PTPRG: variants seen among roughly 807,000 people sequenced by gnomAD.
PTPRG encodes protein tyrosine phosphatase receptor type G.
Under a neutral mutation model 165.3 loss-of-function variants are expected in PTPRG, and 102 were observed. The observed-to-expected ratio is 0.62, with a 90% CI of 0.53 to 0.73. The LOEUF is 0.73. Ranked by LOEUF, PTPRG falls within the 30% of genes least tolerant of loss-of-function variation. The pLI is 0.00. For synonymous variants in PTPRG, 675 were observed against 669.5 expected, an observed-to-expected ratio of 1.01 and a Z score of -0.13; for missense variants, 1,866 against 1,861.4, an observed-to-expected ratio of 1.00 and a Z score of -0.05.
chr3:61,855,106 C>T (rs2107379003), intron 2 of PTPRG, among the ~76,000 whole-genome samples: 1 of 152,236 alleles, frequency 6.6e-6, no homozygotes, highest in African/African-American at 2.4e-5. Flanking sequence ...CAAGCCTTTC[C>T]CTTGCCTGTT....
At position 62,192,612 on chromosome 3, in the gene PTPRG, C is replaced by T. The variant is rs561144644; in HGVS notation, c.1218+959C>T. Among the ~76,000 whole-genome samples, 30 of 151,902 alleles carry T rather than the reference C, an allele frequency of 2.0e-4. No individual in the cohort carries two copies. The East Asian group carries it at 3.7e-3, about 19-fold the overall frequency. On this transcript the variant is annotated intron_variant, in intron 9 of 29. Coordinates refer to ENST00000474889, the MANE Select transcript of PTPRG (RefSeq NM_002841.4). ...ATTTTTAGTAGAGACAGGGTTTCAC[C>T]GTGTTAGCCAGGATGGTCTCCATCT...
chr3:62,133,339 G>A (rs1460562389), intron 6 of PTPRG, among the ~76,000 whole-genome samples: 2 of 152,076 alleles, frequency 1.3e-5, no homozygotes, highest in Non-Finnish European at 2.9e-5. Flanking sequence ...GTAATGTAAT[G>A]ATTTGCAAAG....
chr3:62,212,328 A>G (rs1700378088), intron 12 of PTPRG, among the ~76,000 whole-genome samples: 1 of 152,168 alleles, frequency 6.6e-6, no homozygotes, highest in Admixed American at 6.5e-5. Context: ...TGTGCTGAGG[A>G]GAATGGACTA....
At chr3:61,905,124 G>A (rs1257265218) in intron 2 of PTPRG, among the ~76,000 whole-genome samples, 3 of 152,054 alleles carry the variant, frequency 2.0e-5, no homozygotes, top group East Asian at 1.9e-4. Context: ...AATCAGATGC[G>A]GTAATCAGAA....
intron 4 of PTPRG, among the ~76,000 whole-genome samples, chr3:62,035,551 G>C (rs1018510898): frequency 6.6e-6 from 1 of 152,136 alleles, no homozygotes; most frequent in Non-Finnish European, 1.5e-5. Context: ...TTCCTGTTCA[G>C]CTCAGTCCCT....
intron 16 of PTPRG, among the ~76,000 whole-genome samples, chr3:62,260,416 G>A (rs1280542358): frequency 2.0e-5 from 3 of 152,130 alleles, no homozygotes; most frequent in African/African-American, 7.2e-5. Flanking sequence ...TAGGTAGGAA[G>A]TGATTTAGCC....
At chr3:61,709,185 CAGCTGATAAG>C (rs2031423604) in intron 1 of PTPRG, among the ~76,000 whole-genome samples, 1 of 152,216 alleles carries the variant, frequency 6.6e-6, no homozygotes, top group Non-Finnish European at 1.5e-5. Context: ...ACTGGGGATA[CAGCTGATAAG>C]AGTGTAAGCC....
chr3:61,659,071 C>G (rs758007132), intron 1 of PTPRG, among the ~76,000 whole-genome samples: 13 of 152,074 alleles, frequency 8.5e-5, no homozygotes, highest in Non-Finnish European at 1.5e-4. Context: ...CCCTGTTCCC[C>G]TTTTTGGACA....
At chr3:61,708,443 C>CTTTTTTTTTTT (rs61136954) in intron 1 of PTPRG, among the ~76,000 whole-genome samples, 1 of 75,908 alleles carries the variant, frequency 1.3e-5, no homozygotes, top group Non-Finnish European at 2.4e-5. Flanking sequence ...CTCTGCAAAT[C>CTTTTTTTTTTT]TTTTTTTTTT....
At chr3:62,017,030 C>T (rs1409360534) in intron 4 of PTPRG, among the ~76,000 whole-genome samples, 1 of 152,138 alleles carries the variant, frequency 6.6e-6, no homozygotes, top group Non-Finnish European at 1.5e-5. Context: ...CCTCCCCCTC[C>T]CTCACCCCCG....
At chr3:61,847,492 C>T (rs374931771) in intron 2 of PTPRG, among the ~76,000 whole-genome samples, 6 of 152,182 alleles carry the variant, frequency 3.9e-5, no homozygotes, top group African/African-American at 1.4e-4. Flanking sequence ...TTATTAGCAC[C>T]CCAGGACACT....
At chr3:61,579,735 T>C (rs765413125) in intron 1 of PTPRG, among the ~76,000 whole-genome samples, 30 of 152,312 alleles carry the variant, frequency 2.0e-4, no homozygotes, top group Admixed American at 4.6e-4. Flanking sequence ...TTTTGGGTAC[T>C]TTAAGAGCTG....
chr3:61,912,232 G>T (rs1301471538), intron 2 of PTPRG, among the ~76,000 whole-genome samples: 1 of 151,894 alleles, frequency 6.6e-6, no homozygotes, highest in Non-Finnish European at 1.5e-5. Context: ...AATTTCCATG[G>T]GAATGTAGTT....
intron 2 of PTPRG, among the ~76,000 whole-genome samples, chr3:61,773,024 C>G (rs889927967): frequency 6.6e-6 from 1 of 152,138 alleles, no homozygotes; most frequent in African/African-American, 2.4e-5. Context: ...ATTTGAAAAG[C>G]AAGAAAGACA....
At chr3:62,183,843 C>T (rs553287466) in intron 8 of PTPRG, among the ~76,000 whole-genome samples, 12 of 152,254 alleles carry the variant, frequency 7.9e-5, no homozygotes, top group Admixed American at 4.6e-4. Context: ...GAGAAGGGAA[C>T]GGGAAGGAAG....
intron 4 of PTPRG, among the ~76,000 whole-genome samples, chr3:62,069,681 C>G (rs370247197): frequency 0.051 from 7,414 of 146,304 alleles, 328 homozygotes; most frequent in Non-Finnish European, 0.078. Flanking sequence ...CTCTCTCTCT[C>G]TCTCACACAC....
At chr3:61,865,592 GTCATAATGAAA>G in intron 2 of PTPRG, among the ~76,000 whole-genome samples, 2 of 152,280 alleles carry the variant, frequency 1.3e-5, no homozygotes, top group East Asian at 3.9e-4. Flanking sequence ...CCGATACCTG[GTCATAATGAAA>G]TCATTCTTTC....
intron 1 of PTPRG, among the ~76,000 whole-genome samples, chr3:61,677,018 G>A (rs904495767): frequency 1.3e-5 from 2 of 151,984 alleles, no homozygotes; most frequent in East Asian, 1.9e-4. Context: ...AGGCTGAGGC[G>A]GGTGGATCAC....
rs903744531 is a variant in PTPRG at position 62,124,383 on chromosome 3, G to A, written c.616-8219G>A. On this transcript the variant is annotated intron_variant, in intron 5 of 29. Transcript: ENST00000474889. ...GTGGGATGCAAGTCCAGGGTGATCT[G>A]CAGGTCCAAGATGTAGTCGATGACG... The A allele has an allele frequency of 1.9e-6, 3 of 1,613,150 alleles. No homozygotes were observed. The African/African-American group carries it at 4.0e-5, about 22-fold the overall frequency.
Sources: allele counts gnomAD v4.1 joint callset (sites outside exome capture counted in the v4.1 genomes callset), GRCh38; gene constraint gnomAD v4.1.1; transcripts MANE v1.5; gene names NCBI Gene and HGNC (gene_info 2026-07-23, HGNC 2026-07-21).